IGF2R: variants seen among roughly 807,000 people sequenced by gnomAD.
IGF2R encodes cation-independent mannose-6-phosphate receptor.
IGF2R carries 91 observed loss-of-function variants against 270.6 expected under a neutral mutation model. That is an observed-to-expected ratio of 0.34 (90% confidence interval 0.28 to 0.40). IGF2R has a LOEUF of 0.40. IGF2R is among the 10% of genes least tolerant of loss of function. The pLI is 1.00. For missense variants in IGF2R, 2,805 were observed against 3,188.3 expected (o/e 0.88, Z 2.90); for synonymous variants, 1,316 against 1,258.9 (o/e 1.05, Z -0.96).
chr6:160,063,418 A>G lies in IGF2R; in HGVS notation c.3674A>G (p.Asp1225Gly). ...EACPVVRVEG[D>G]NCEVKDPRHG... ...CACTTCTTCCATGTTCTTGAAGGGG[A>G]CAACTGTGAGGTGAAAGACCCAAGG... Residue 1225 changes from aspartate (D) to glycine (G), a missense_variant, in exon 27 of 48, where the codon GAC becomes GGC. Coordinates refer to ENST00000356956, the MANE Select transcript of IGF2R (RefSeq NM_000876.4). 6.2e-7 allele frequency: 1 copy of G among 1,611,168 alleles called. No individual in the cohort carries two copies.
chr6:160,082,076 T>C (rs1193710974), intron 39 of IGF2R, among the ~76,000 whole-genome samples: 2 of 152,324 alleles, frequency 1.3e-5, no homozygotes, highest in East Asian at 3.9e-4. Flanking sequence ...GTCCATGAAA[T>C]CTTCACAATG....
Position 160,056,442 on chromosome 6 carries a change from T to C in IGF2R, c.2713T>C (p.Ser905Pro). The C allele has an allele frequency of 6.2e-7, 1 of 1,613,868 alleles. No homozygotes were observed. Among genetic ancestry groups the C allele is most frequent in the Non-Finnish European group, 8.5e-7 (1 of 1,179,740 alleles). ...CATTCAGAACAGCCACCCCATCTTT[T>C]CTCTCAACTGGGAGTGTGTGGTCAG... is the stretch of plus-strand genomic sequence containing the variant. ...RGRLNSHPIF[S>P]LNWECVVSFL... The change falls in exon 20 of 48, where the codon TCT (serine) becomes CCT (proline). Residue 905 changes from serine (S) to proline (P), a missense_variant. Physicochemically the swap from Ser to Pro is moderately conservative, Grantham distance 74 (BLOSUM62 -1). Coordinates refer to ENST00000356956, the MANE Select transcript of IGF2R (RefSeq NM_000876.4).
intron 35 of IGF2R, among the ~76,000 whole-genome samples, chr6:160,074,562 C>T (rs908909574): frequency 6.6e-6 from 1 of 152,212 alleles, no homozygotes; most frequent in Non-Finnish European, 1.5e-5. Context: ...GCATGAGCCA[C>T]AGTGCCTGGC....
At chr6:160,063,658 T>A in intron 27 of IGF2R, 28 bp downstream of exon 27, 1 of 1,539,336 alleles carries the variant, frequency 6.5e-7, no homozygotes, top group Non-Finnish European at 9.0e-7. Flanking sequence ...TTTCCTTTTG[T>A]TGCAAAGGAA....
intron 1 of IGF2R, among the ~76,000 whole-genome samples, chr6:159,977,031 G>A (rs3798205): frequency 0.032 from 4,839 of 152,232 alleles, 91 homozygotes; most frequent in Non-Finnish European, 0.04. Context: ...TGCTGCTGTC[G>A]CCCAGCTTAC....
chr6:160,075,325 A>T (rs1335285668), intron 35 of IGF2R, among the ~76,000 whole-genome samples: 1 of 152,248 alleles, frequency 6.6e-6, no homozygotes, highest in African/African-American at 2.4e-5. Flanking sequence ...ATGAAAATGA[A>T]CAGTGAACAC....
chr6:159,975,684 T>TATATATATA (rs1783680847), intron 1 of IGF2R, among the ~76,000 whole-genome samples: 3 of 141,742 alleles, frequency 2.1e-5, no homozygotes, highest in African/African-American at 5.3e-5. Flanking sequence ...TTATATATAT[T>TATATATATA]TATATATATA....
At position 159,998,086 on chromosome 6, in the gene IGF2R, A is replaced by G. The variant is rs185469519; in HGVS notation, c.289+6763A>G. ...TTATCCTTGGTGATATACTTAGGAA[A>G]CTTACAGGTGAGATGGCCAGTTTAC... On this transcript the variant is annotated intron_variant, in intron 2 of 47. Transcript: ENST00000356956. The surrounding 1 kb of genome is among the most constrained non-coding windows in gnomAD (Gnocchi z 4.1). Among the ~76,000 whole-genome samples the G allele has an allele frequency of 2.4e-4, 36 of 152,360 alleles. No homozygotes were observed. Among genetic ancestry groups the G allele is most frequent in the African/African-American group, 7.7e-4 (32 of 41,596 alleles).
chr6:160,065,810 GTGTGTATATATATATATATATA>G (rs1778564346), intron 29 of IGF2R, among the ~76,000 whole-genome samples: 1 of 72,980 alleles, frequency 1.4e-5, no homozygotes, highest in Non-Finnish European at 2.6e-5. Context: ...GTGTGTGTGT[GTGTGTATATATATATATATATA>G]TATATATATA....
chr6:160,024,292 G>T (rs1208278115), intron 4 of IGF2R, among the ~76,000 whole-genome samples: 1 of 152,170 alleles, frequency 6.6e-6, no homozygotes, highest in African/African-American at 2.4e-5. Context: ...AGATCTCATG[G>T]CATGCTGACG....
intron 3 of IGF2R, among the ~76,000 whole-genome samples, chr6:160,009,566 C>A (rs1784301333): frequency 6.6e-6 from 1 of 152,030 alleles, no homozygotes; most frequent in Non-Finnish European, 1.5e-5. Flanking sequence ...GAAGCCTTGG[C>A]CCGTGGGTAT....
In IGF2R at chr6:159,976,079, T is replaced by C. The variant is rs7776448; in HGVS notation, c.149+6684T>C. 8.5e-3 allele frequency among the ~76,000 whole-genome samples: 1,289 copies of C among 152,162 alleles called. 18 individuals are homozygous for C. Among genetic ancestry groups the C allele is most frequent in the African/African-American group, 0.029 (1,215 of 41,548 alleles). On this transcript the variant is annotated intron_variant, in intron 1 of 47. Transcript: ENST00000356956. ...GTATATAAGATGGACATTTTCTGTT[T>C]CTTAAAGTTTGGTAGAATTCACCAG... is the stretch of plus-strand genomic sequence containing the variant.
At chr6:159,992,830 C>G (rs1783999943) in intron 2 of IGF2R, among the ~76,000 whole-genome samples, 1 of 152,158 alleles carries the variant, frequency 6.6e-6, no homozygotes, top group Admixed American at 6.5e-5. Flanking sequence ...CTTGATAGAT[C>G]TCTATACTGT....
intron 22 of IGF2R, 42 bp downstream of exon 22, chr6:160,059,140 T>C (rs1778377179): frequency 7.3e-7 from 1 of 1,368,714 alleles, no homozygotes; most frequent in African/African-American, 1.4e-5. Flanking sequence ...AAAAGGGCCC[T>C]GGTGGCTCTG....
At chr6:160,091,176 G>T (rs1343037255) in intron 44 of IGF2R, among the ~76,000 whole-genome samples, 9 of 111,756 alleles carry the variant, frequency 8.1e-5, no homozygotes, top group African/African-American at 3.3e-4. Flanking sequence ...GAAGGAGCAG[G>T]TGCTCCGTGC....
chr6:160,081,720 G>A (rs991408989), intron 39 of IGF2R, among the ~76,000 whole-genome samples: 2 of 152,140 alleles, frequency 1.3e-5, no homozygotes, highest in African/African-American at 4.8e-5. Flanking sequence ...CTTTTCCCAG[G>A]GCTGTTAATT....
chr6:160,067,562 T>C (rs1778612484), intron 29 of IGF2R, among the ~76,000 whole-genome samples: 1 of 152,222 alleles, frequency 6.6e-6, no homozygotes, highest in African/African-American at 2.4e-5. Context: ...AGCACACAGC[T>C]TTTGAATGAA....
rs546465347 is a variant in IGF2R, at chr6:160,045,462, A to G, written c.1766-283A>G. Among the ~76,000 whole-genome samples the G allele has an allele frequency of 8.5e-5, 13 of 152,310 alleles. No individual in the cohort carries two copies. In the East Asian group the frequency reaches 1.7e-3, roughly 20 times the overall value. On this transcript the variant is annotated intron_variant, in intron 13 of 47. Coordinates refer to ENST00000356956, the MANE Select transcript of IGF2R (RefSeq NM_000876.4). ...TTGTTGTGTAATACCACCACCATCC[A>G]TCTCCAGAACTTTTTGATCCTCCCA...
Position 160,012,755 on chromosome 6 carries a change from ATATATATATTTTTTTTTT to A in IGF2R, c.513+1972_513+1989del, listed in dbSNP as rs1308573910. On this transcript the variant is annotated intron_variant, in intron 4 of 47. Transcript: ENST00000356956. Reference sequence around the variant, plus strand: ...CCATGCCCGGCTAATTTATATATATATATATATATTTTTTTTTTTTTTTGTTTGTTTGTTTGTTTATTT... The same window carrying A: ...CCATGCCCGGCTAATTTATATATATATTTTTGTTTGTTTGTTTGTTTATTT... Among the ~76,000 whole-genome samples, 76 of 71,550 alleles carry A rather than the reference ATATATATATTTTTTTTTT, an allele frequency of 1.1e-3. 3 individuals are homozygous for A. Among genetic ancestry groups the A allele is most frequent in the African/African-American group, 3.7e-3 (74 of 20,058 alleles). 46.9% of individuals were successfully genotyped at this position (71,550 alleles called of 152,430 possible).
Sources: allele counts gnomAD v4.1 joint callset (sites outside exome capture counted in the v4.1 genomes callset), GRCh38; gene constraint gnomAD v4.1.1; non-coding constraint Gnocchi (gnomAD v3.1); transcripts MANE v1.5; gene names NCBI Gene and HGNC (gene_info 2026-07-23, HGNC 2026-07-21).